HS6ST3: variants seen among roughly 807,000 people sequenced by gnomAD.
HS6ST3 encodes heparan sulfate 6-O-sulfotransferase 3, also known as heparan-sulfate 6-O-sulfotransferase 3.
Under a neutral mutation model 36.7 loss-of-function variants are expected in HS6ST3, and 12 were observed. That is an observed-to-expected ratio of 0.33 (90% CI 0.21 to 0.53). The LOEUF is 0.53. Among genes scored for constraint, HS6ST3 ranks in the 20% least tolerant of loss-of-function variants. The probability of loss-of-function intolerance (pLI) is 0.95; values close to 1 mark genes in which losing one functional copy is unlikely to be tolerated. For synonymous variants in HS6ST3, 240 were observed against 257.5 expected (o/e 0.93, Z 0.65); for missense variants, 584 against 640.9 (o/e 0.91, Z 0.96).
chr13:96,584,556 G>A (rs2056353884), intron 1 of HS6ST3, among the ~76,000 whole-genome samples: 2 of 152,132 alleles, frequency 1.3e-5, no homozygotes, highest in African/African-American at 4.8e-5. Context: ...GCACATAGAG[G>A]TGCTCAATAA....
chr13:96,185,888 G>A (rs945467019), intron 1 of HS6ST3, among the ~76,000 whole-genome samples: 4 of 152,266 alleles, frequency 2.6e-5, no homozygotes, highest in East Asian at 1.9e-4. Flanking sequence ...AATGGGAAAC[G>A]TTTATTCGCA....
intron 1 of HS6ST3, among the ~76,000 whole-genome samples, chr13:96,668,753 C>A (rs573016488): frequency 1.0e-5 from 1 of 96,202 alleles, no homozygotes; most frequent in African/African-American, 4.2e-5. Context: ...TTGTTATGCA[C>A]ATTCAACCTA....
chr13:96,724,847 G>T (rs1261443428), intron 1 of HS6ST3, among the ~76,000 whole-genome samples: 1 of 152,152 alleles, frequency 6.6e-6, no homozygotes. Context: ...TCCAAGCCCT[G>T]CATGAACATA....
At chr13:96,540,607 A>G (rs1484358716) in intron 1 of HS6ST3, among the ~76,000 whole-genome samples, 6 of 152,218 alleles carry the variant, frequency 3.9e-5, no homozygotes, top group African/African-American at 1.4e-4. Flanking sequence ...TTCACTGATA[A>G]TAATGTCTTA....
intron 1 of HS6ST3, among the ~76,000 whole-genome samples, chr13:96,469,747 T>C (rs573934182): frequency 1.2e-4 from 18 of 151,916 alleles, no homozygotes; most frequent in Non-Finnish European, 2.5e-4. Flanking sequence ...GTGATGGCGG[T>C]GGTGGTGATG....
chr13:96,338,976 T>G (rs997975963), intron 1 of HS6ST3, among the ~76,000 whole-genome samples: 2 of 152,062 alleles, frequency 1.3e-5, no homozygotes, highest in African/African-American at 2.4e-5. Flanking sequence ...TGATCATGAT[T>G]TTTTTTTCTT....
intron 1 of HS6ST3, among the ~76,000 whole-genome samples, chr13:96,738,526 G>A (rs1400351378): frequency 2.6e-5 from 4 of 152,148 alleles, no homozygotes; most frequent in African/African-American, 9.7e-5. Flanking sequence ...AAGCATTTTA[G>A]CATCTCTGAA....
In HS6ST3 at chr13:96,715,471, T is replaced by G. The variant is rs547134057; in HGVS notation, c.708-117019T>G. 6.6e-5 allele frequency among the ~76,000 whole-genome samples: 10 copies of G among 152,274 alleles called. No individual in the cohort carries two copies. In the East Asian group the frequency reaches 1.9e-3, roughly 29 times the overall value. The stretch of plus-strand genomic sequence containing the variant: ...ATACCTAAATTTGATAAACTTGGGA[T>G]GTACTTGGATATTTATTATGTTATC... On this transcript the variant is annotated intron_variant, in intron 1 of 1. Coordinates refer to ENST00000376705, the MANE Select transcript of HS6ST3 (RefSeq NM_153456.4).
chr13:96,691,570 CTTATT>C (rs1022006040), intron 1 of HS6ST3, among the ~76,000 whole-genome samples: 2 of 151,854 alleles, frequency 1.3e-5, no homozygotes, highest in Admixed American at 6.6e-5. Flanking sequence ...TTTATTTTAT[CTTATT>C]TTATTTTTCT....
At chr13:96,112,586 T>TATATATAC (rs1566884908) in intron 1 of HS6ST3, among the ~76,000 whole-genome samples, 9 of 52,384 alleles carry the variant, frequency 1.7e-4, no homozygotes, top group African/African-American at 5.8e-4. Context: ...TAAATATATA[T>TATATATAC]ATATATATAT....
intron 1 of HS6ST3, among the ~76,000 whole-genome samples, chr13:96,430,379 C>T (rs1392697097): frequency 6.6e-6 from 1 of 152,188 alleles, no homozygotes; most frequent in African/African-American, 2.4e-5. Flanking sequence ...CTCCTAGATT[C>T]TTCAGGGTTA....
At chr13:96,391,169 T>G (rs1322714161) in intron 1 of HS6ST3, among the ~76,000 whole-genome samples, 3 of 152,200 alleles carry the variant, frequency 2.0e-5, no homozygotes, top group African/African-American at 7.2e-5. Flanking sequence ...TCATTCTCTA[T>G]GCTCGCTTGA....
At chr13:96,383,795 T>A (rs2055353949) in intron 1 of HS6ST3, among the ~76,000 whole-genome samples, 1 of 152,142 alleles carries the variant, frequency 6.6e-6, no homozygotes. Context: ...GAGCAGCAGG[T>A]TGACCTCAGG....
chr13:96,705,066 A>G (rs1307150948), intron 1 of HS6ST3, among the ~76,000 whole-genome samples: 2 of 152,106 alleles, frequency 1.3e-5, no homozygotes, highest in African/African-American at 2.4e-5. Context: ...CTCCCTCACT[A>G]TTGACATCTC....
At chr13:96,771,859 G>A (rs181172279) in intron 1 of HS6ST3, among the ~76,000 whole-genome samples, 20 of 152,318 alleles carry the variant, frequency 1.3e-4, no homozygotes, top group Non-Finnish European at 2.6e-4. Flanking sequence ...GATAAGATAT[G>A]TTTTGCCAAG....
chr13:96,595,021 C>T (rs1299381614), intron 1 of HS6ST3, among the ~76,000 whole-genome samples: 1 of 152,008 alleles, frequency 6.6e-6, no homozygotes, highest in East Asian at 1.9e-4. Context: ...TCTTTTTTCT[C>T]TTTAGAACTT....
At chr13:96,469,648 T>C (rs555678048) in intron 1 of HS6ST3, among the ~76,000 whole-genome samples, 1 of 152,310 alleles carries the variant, frequency 6.6e-6, no homozygotes, top group Non-Finnish European at 1.5e-5. Context: ...TCAGAGATCA[T>C]GCTAGGAAAC....
chr13:96,100,494 C>A (rs2053812992), intron 1 of HS6ST3, among the ~76,000 whole-genome samples: 1 of 152,028 alleles, frequency 6.6e-6, no homozygotes, highest in East Asian at 1.9e-4. Context: ...TGTGAAGAGG[C>A]AAAAGGAGAG....
chr13:96,467,302 A>C (rs1454162373), intron 1 of HS6ST3, among the ~76,000 whole-genome samples: 1 of 152,212 alleles, frequency 6.6e-6, no homozygotes, highest in Non-Finnish European at 1.5e-5. Flanking sequence ...AGAAGGCAGG[A>C]CTGTCATCTT....
Sources: allele counts gnomAD v4.1 joint callset (sites outside exome capture counted in the v4.1 genomes callset), GRCh38; gene constraint gnomAD v4.1.1; transcripts MANE v1.5; gene names NCBI Gene and HGNC (gene_info 2026-07-23, HGNC 2026-07-21).